The following ACSM1 variants were observed in gnomAD, a reference collection of about 807,000 sequenced individuals.
ACSM1 encodes acyl-coenzyme A synthetase ACSM1, mitochondrial.
A neutral mutation model predicts 75.8 loss-of-function variants in ACSM1; 79 were observed. The ratio of observed to expected loss-of-function variants is 1.04; its 90% CI spans 0.87 to 1.26. The LOEUF (loss-of-function observed/expected upper bound fraction) is 1.26, where lower values mean the gene tolerates loss of function less well. Among genes scored for constraint, ACSM1 ranks in the 50% most tolerant of loss-of-function variants. The pLI is 0.00. For synonymous variants in ACSM1, 279 were observed against 265.8 expected, an observed-to-expected ratio of 1.05 and a Z score of -0.48; for missense variants, 676 against 720.1, an observed-to-expected ratio of 0.94 and a Z score of 0.70.
intron 1 of ACSM1, among the ~76,000 whole-genome samples, chr16:20,692,690 A>G (rs1367523887): frequency 1.3e-5 from 2 of 152,196 alleles, no homozygotes; most frequent in South Asian, 2.1e-4. Context: ...TTGCAGGGCA[A>G]TTTCAAGGTA....
At chr16:20,683,715 CTCTTTCTT>C (rs55684501) in intron 3 of ACSM1, among the ~76,000 whole-genome samples, 47 of 136,384 alleles carry the variant, frequency 3.4e-4, no homozygotes, top group Non-Finnish European at 6.0e-4. Flanking sequence ...CTCTCTCTCT[CTCTTTCTT>C]TCTTTCTTTC....
At chr16:20,661,365 A>C (rs955504738) in intron 7 of ACSM1, among the ~76,000 whole-genome samples, 22 of 152,172 alleles carry the variant, frequency 1.4e-4, no homozygotes, top group African/African-American at 5.3e-4. Context: ...TTAGGAGGTA[A>C]ATTATAAAGG....
chr16:20,683,701 T>TTC (rs1201861529), intron 3 of ACSM1, among the ~76,000 whole-genome samples: 7 of 65,420 alleles, frequency 1.1e-4, no homozygotes, highest in East Asian at 8.4e-4. Flanking sequence ...CTTTCTTTCT[T>TTC]TCTCTCTCTC....
At chr16:20,656,973 A>T (rs926957340) in intron 7 of ACSM1, among the ~76,000 whole-genome samples, 2 of 152,050 alleles carry the variant, frequency 1.3e-5, no homozygotes, top group Admixed American at 1.3e-4. Context: ...TCACTTTTGC[A>T]TACATCCCAA....
intron 7 of ACSM1, among the ~76,000 whole-genome samples, chr16:20,661,236 T>A (rs2019282871): frequency 6.6e-6 from 1 of 152,172 alleles, no homozygotes; most frequent in Non-Finnish European, 1.5e-5. Flanking sequence ...TAAGATAAAC[T>A]ACAGCAATAT....
intron 6 of ACSM1, among the ~76,000 whole-genome samples, chr16:20,669,549 T>A (rs1024563369): frequency 3.9e-5 from 6 of 151,968 alleles, no homozygotes; most frequent in Non-Finnish European, 7.4e-5. Flanking sequence ...GTGCTTGCTT[T>A]AATTTTTCAA....
chr16:20,685,586 T>C (rs4783458), intron 2 of ACSM1, among the ~76,000 whole-genome samples, 183 bp from the exon 3 acceptor site: 92,446 of 151,576 alleles, frequency 0.61, 29,512 homozygotes, highest in Non-Finnish European at 0.72. Flanking sequence ...CTTTAGGAGG[T>C]GGAGGCAGGT....
intron 4 of ACSM1, among the ~76,000 whole-genome samples, chr16:20,672,811 AAT>A (rs1403415264): frequency 8.9e-5 from 8 of 89,470 alleles, no homozygotes; most frequent in Admixed American, 5.7e-4. Context: ...TATAATATAT[AAT>A]ATATATTATA....
At chr16:20,696,257 A>G (rs2079689194) in intron 1 of ACSM1, among the ~76,000 whole-genome samples, 1 of 152,184 alleles carries the variant, frequency 6.6e-6, no homozygotes, top group Non-Finnish European at 1.5e-5. Context: ...GCATGTCTCT[A>G]TCTCTATCAC....
In ACSM1 at chr16:20,685,840, A is replaced by AAG; in HGVS notation, c.193-438_193-437insCT. On this transcript the variant is annotated intron_variant, in intron 2 of 13. Coordinates refer to ENST00000520010, the MANE Select transcript of ACSM1 (RefSeq NM_001318890.3). ...GTCTCAAAAAAAAAAAACAAACAAAAAAAAAACAAAAAACTTATAGCATCA... is the reference window on the plus strand; with the variant it reads ...GTCTCAAAAAAAAAAAACAAACAAAAAGAAAAAACAAAAAACTTATAGCATCA... Among the ~76,000 whole-genome samples the AAG allele has an allele frequency of 1.6e-5, 2 of 123,596 alleles. 1 individual carries two copies. Among genetic ancestry groups the AAG allele is most frequent in the Non-Finnish European group, 3.8e-5 (2 of 52,634 alleles). The allele number at this position is 123,596 out of a possible 152,430, so 81.1% of individuals were successfully genotyped here. A position where few individuals can be genotyped will look rare whatever the true frequency, so the allele number is the denominator to read the frequency against.
chr16:20,635,171 G>A (rs928263105), intron 10 of ACSM1, among the ~76,000 whole-genome samples: 1 of 152,050 alleles, frequency 6.6e-6, no homozygotes, highest in Non-Finnish European at 1.5e-5. Flanking sequence ...GAGGCAGGGG[G>A]GTTACTTGTG....
chr16:20,636,966 T>C, intron 9 of ACSM1, 126 bp from the exon 10 acceptor site: 1 of 730,642 alleles, frequency 1.4e-6, no homozygotes, highest in East Asian at 2.5e-5. Flanking sequence ...CATCAGAAAA[T>C]GGAATAAAAC....
At chr16:20,660,269 A>C (rs2019227425) in intron 7 of ACSM1, among the ~76,000 whole-genome samples, 1 of 152,224 alleles carries the variant, frequency 6.6e-6, no homozygotes, top group Admixed American at 6.5e-5. Context: ...GATTCCCTGA[A>C]GAAAATGGAG....
At chr16:20,623,605 G>C in intron 13 of ACSM1, 33 bp from the exon 14 acceptor site, 3 of 1,585,288 alleles carry the variant, frequency 1.9e-6, no homozygotes, top group African/African-American at 1.3e-5. Context: ...CACAGTGATT[G>C]AGTCCTGCTG....
intron 10 of ACSM1, among the ~76,000 whole-genome samples, chr16:20,632,924 A>G (rs1472656320): frequency 6.6e-6 from 1 of 152,206 alleles, no homozygotes; most frequent in African/African-American, 2.4e-5. Context: ...GAAAATAACC[A>G]CAAGGTTTTC....
At chr16:20,661,301 A>T (rs1442504086) in intron 7 of ACSM1, among the ~76,000 whole-genome samples, 1 of 152,202 alleles carries the variant, frequency 6.6e-6, no homozygotes, top group African/African-American at 2.4e-5. Context: ...ATGTAGCATT[A>T]CCTGTTTAAA....
At chr16:20,666,955 G>T (rs1304368056) in intron 6 of ACSM1, among the ~76,000 whole-genome samples, 3 of 152,082 alleles carry the variant, frequency 2.0e-5, no homozygotes, top group Non-Finnish European at 2.9e-5. Context: ...TCAAGATGGA[G>T]TAAGGATTTA....
intron 10 of ACSM1, among the ~76,000 whole-genome samples, chr16:20,631,595 G>T (rs2017349620): frequency 1.3e-5 from 2 of 152,180 alleles, no homozygotes; most frequent in East Asian, 3.8e-4. Flanking sequence ...ATTTGCAATT[G>T]CAAAGATATG....
chr16:20,691,587 CT>C (rs2079652537), intron 1 of ACSM1, among the ~76,000 whole-genome samples: 1 of 152,118 alleles, frequency 6.6e-6, no homozygotes, highest in Non-Finnish European at 1.5e-5. Flanking sequence ...AGTGTCTTTA[CT>C]TTAGAAACTT....
Sources: gnomAD v4.1 joint callset for allele counts (sites outside exome capture counted in the v4.1 genomes callset) on GRCh38, gnomAD v4.1.1 for gene constraint, MANE v1.5 for transcripts, NCBI Gene and HGNC (gene_info 2026-07-23, HGNC 2026-07-21) for gene names.